MARCHF1: variants seen among roughly 807,000 people sequenced by gnomAD.
The protein encoded by MARCHF1 is membrane associated ring-CH-type finger 1, also known as E3 ubiquitin-protein ligase MARCHF1.
In MARCHF1, 40 loss-of-function variants were observed where a neutral mutation model predicts 54.2. That is an observed-to-expected ratio of 0.74 (90% CI 0.57 to 0.96). MARCHF1 has a LOEUF of 0.96. Among genes scored for constraint, MARCHF1 ranks in the 40% least tolerant of loss-of-function variants. MARCHF1 has a pLI of 0.00. For missense variants in MARCHF1, 586 were observed against 656.5 expected (o/e 0.89, Z 1.17); for synonymous variants, 236 against 236.3 (o/e 1.00, Z 0.01).
At chr4:163,993,093 G>A (rs898325731) in intron 2 of MARCHF1, among the ~76,000 whole-genome samples, 1 of 152,036 alleles carries the variant, frequency 6.6e-6, no homozygotes, top group Non-Finnish European at 1.5e-5. Flanking sequence ...GAATTTAAAG[G>A]TATTGTTACT....
intron 2 of MARCHF1, among the ~76,000 whole-genome samples, chr4:163,998,751 C>T (rs953960077): frequency 1.3e-5 from 2 of 151,628 alleles, no homozygotes; most frequent in African/African-American, 4.8e-5. Flanking sequence ...TAATGTTCTC[C>T]AGCTTCATCT....
At chr4:163,971,987 G>A (rs549950730) in intron 3 of MARCHF1, among the ~76,000 whole-genome samples, 1 of 152,284 alleles carries the variant, frequency 6.6e-6, no homozygotes, top group Non-Finnish European at 1.5e-5. Context: ...AGAAAACATG[G>A]CACATATACA....
At chr4:163,622,278 C>A (rs1439716729) in intron 5 of MARCHF1, among the ~76,000 whole-genome samples, 1 of 152,032 alleles carries the variant, frequency 6.6e-6, no homozygotes, top group Non-Finnish European at 1.5e-5. Flanking sequence ...GGCCCCCGAT[C>A]CACCAGCCAG....
intron 8 of MARCHF1, among the ~76,000 whole-genome samples, chr4:163,554,159 T>C (rs1579057597): frequency 1.3e-5 from 2 of 152,202 alleles, no homozygotes; most frequent in South Asian, 2.1e-4. Flanking sequence ...CCAAGCATGG[T>C]TGAAATATCA....
chr4:163,697,743 C>G (rs1256699552), intron 5 of MARCHF1, among the ~76,000 whole-genome samples: 3 of 152,054 alleles, frequency 2.0e-5, no homozygotes, highest in African/African-American at 7.2e-5. Flanking sequence ...ATGAGTAATA[C>G]TATTACTGAC....
chr4:164,176,974 CTCTCTCTATATATATA>C (rs1476728856), intron 1 of MARCHF1, among the ~76,000 whole-genome samples: 5 of 29,972 alleles, frequency 1.7e-4, no homozygotes, highest in Non-Finnish European at 2.7e-4. Flanking sequence ...CTCTCTCTCT[CTCTCTCTATATATATA>C]TATATATATA....
In MARCHF1 at chr4:164,342,842, C is replaced by T. The variant is rs140755440; in HGVS notation, c.-323+41028G>A. On this transcript the variant is annotated intron_variant, in intron 1 of 9. Transcript: ENST00000514618. The stretch of plus-strand genomic sequence containing the variant: ...AAGGAAATGTTGCAATGTGTGACAA[C>T]ATGGATGAATCTGGAGGAAATTATG... Among the ~76,000 whole-genome samples, 26 of 152,090 alleles carry T rather than the reference C, an allele frequency of 1.7e-4. No individual in the cohort carries two copies. In the East Asian group the frequency reaches 3.7e-3, roughly 21 times the overall value.
At chr4:163,715,353 C>T (rs796523490) in intron 4 of MARCHF1, among the ~76,000 whole-genome samples, 15 of 152,242 alleles carry the variant, frequency 9.9e-5, no homozygotes, top group African/African-American at 3.4e-4. Context: ...TCACGCCATT[C>T]ATCTGCCTCA....
intron 2 of MARCHF1, among the ~76,000 whole-genome samples, chr4:164,054,250 G>T (rs1299429123): frequency 1.3e-5 from 2 of 151,994 alleles, no homozygotes; most frequent in East Asian, 3.9e-4. Context: ...AGTTAGAATG[G>T]CAATCATTAA....
intron 2 of MARCHF1, among the ~76,000 whole-genome samples, chr4:164,036,473 TTAAATA>T (rs1333813714): frequency 3.3e-5 from 5 of 152,154 alleles, no homozygotes; most frequent in Non-Finnish European, 7.4e-5. Context: ...TGAAAATATA[TTAAATA>T]TAAATATGTG....
chr4:164,081,236 A>AAAAAAAAAAAT (rs1428928041), intron 2 of MARCHF1, among the ~76,000 whole-genome samples: 1 of 147,302 alleles, frequency 6.8e-6, no homozygotes, highest in Non-Finnish European at 1.5e-5. Context: ...AAAAAAAAAA[A>AAAAAAAAAAAT]AGAAATATTA....
At chr4:164,028,392 TA>T (rs1239863389) in intron 2 of MARCHF1, among the ~76,000 whole-genome samples, 1 of 152,142 alleles carries the variant, frequency 6.6e-6, no homozygotes, top group Non-Finnish European at 1.5e-5. Flanking sequence ...TTCACATCCA[TA>T]AAAATGGATG....
At chr4:164,117,119 G>A (rs965276111) in intron 1 of MARCHF1, among the ~76,000 whole-genome samples, 1 of 151,920 alleles carries the variant, frequency 6.6e-6, no homozygotes, top group Non-Finnish European at 1.5e-5. Flanking sequence ...TTAGCCAGAC[G>A]TGGTTGTGCA....
At chr4:163,827,375 G>C (rs1404779567) in intron 4 of MARCHF1, among the ~76,000 whole-genome samples, 1 of 152,060 alleles carries the variant, frequency 6.6e-6, no homozygotes, top group Non-Finnish European at 1.5e-5. Flanking sequence ...ACTTCCGTAG[G>C]AGATTATTCT....
At position 164,006,990 on chromosome 4, in the gene MARCHF1, GAAAAAAAAAAAAAAAAAAAAAAA is replaced by G. The variant is rs57195057; in HGVS notation, c.-247-18304_-247-18282del. Among the ~76,000 whole-genome samples the G allele has an allele frequency of 9.9e-4, 23 of 23,170 alleles. No individual in the cohort carries two copies. In the South Asian group the frequency reaches 0.01, roughly 10 times the overall value. The allele number at this position is 23,170 out of a possible 152,430, so 15.2% of individuals were successfully genotyped here. ...AATAATAGAGGGAGCTCTGAAATCT[GAAAAAAAAAAAAAAAAAAAAAAA>G]AAAAAAAAAAAAAAAAAAAGAACAT... On this transcript the variant is annotated intron_variant, in intron 2 of 9. Coordinates refer to ENST00000514618, the MANE Select transcript of MARCHF1 (RefSeq NM_001394959.1).
chr4:163,774,662 T>A (rs1434025987), intron 4 of MARCHF1, among the ~76,000 whole-genome samples: 1 of 152,040 alleles, frequency 6.6e-6, no homozygotes, highest in Admixed American at 6.6e-5. Flanking sequence ...GCCCAGCTAA[T>A]TTTTTCTATT....
intron 8 of MARCHF1, among the ~76,000 whole-genome samples, chr4:163,571,466 C>A (rs932327152): frequency 3.9e-5 from 6 of 152,044 alleles, no homozygotes; most frequent in African/African-American, 1.4e-4. Context: ...GTTACTGGAG[C>A]CCTCTCAGTG....
At chr4:163,835,481 G>A (rs1005872894) in intron 4 of MARCHF1, among the ~76,000 whole-genome samples, 2 of 152,166 alleles carry the variant, frequency 1.3e-5, no homozygotes, top group Non-Finnish European at 2.9e-5. Context: ...CAATCTCCAG[G>A]TTTTGGCCAA....
intron 1 of MARCHF1, among the ~76,000 whole-genome samples, chr4:164,138,187 G>T (rs1756441820): frequency 6.7e-6 from 1 of 149,906 alleles, no homozygotes; most frequent in Non-Finnish European, 1.5e-5. Flanking sequence ...TTTTCATCTG[G>T]TTTATTTTTT....
Sources: gnomAD v4.1 joint callset for allele counts (sites outside exome capture counted in the v4.1 genomes callset) on GRCh38, gnomAD v4.1.1 for gene constraint, MANE v1.5 for transcripts, NCBI Gene and HGNC (gene_info 2026-07-23, HGNC 2026-07-21) for gene names.